Variants in SENP7 observed in about 807,000 individuals in gnomAD.
SENP7 encodes the protein SUMO specific peptidase 7, also known as sentrin-specific protease 7.
SENP7 carries 64 observed loss-of-function variants against 141.2 expected under a neutral mutation model. The observed-to-expected ratio is 0.45, with a 90% CI of 0.37 to 0.56. The LOEUF is 0.56. Among genes scored for constraint, SENP7 ranks in the 20% least tolerant of loss-of-function variants. SENP7 has a pLI of 0.00. For synonymous variants in SENP7, 382 were observed against 426.4 expected, an observed-to-expected ratio of 0.90 and a Z score of 1.28; for missense variants, 1,025 against 1,212.2, an observed-to-expected ratio of 0.85 and a Z score of 2.29.
At chr3:101,382,248 C>T (rs1474523205) in intron 6 of SENP7, among the ~76,000 whole-genome samples, 1 of 152,160 alleles carries the variant, frequency 6.6e-6, no homozygotes, top group African/African-American at 2.4e-5. Flanking sequence ...TTGATCATCG[C>T]TCATTGTAAC....
In SENP7 at chr3:101,341,692, G is replaced by A. The variant is rs35151705; in HGVS notation, c.2194C>T (p.Pro732Ser). The A allele has an allele frequency of 5.6e-4, 900 of 1,611,074 alleles. 9 individuals are homozygous for A. The African/African-American group carries it at 9.8e-3, about 18-fold the overall frequency. ...GCYSLSITSN[P>S]DEEWREVRHT... ...CTGACTTCTCGCCATTCTTCATCTG[G>A]ATTAGATGTAATAGAAAGGGAGTAG... Residue 732 changes from proline to serine, a missense_variant, in exon 15 of 24, where the codon CCA (proline) becomes TCA (serine). Around this residue, in one of 4 missense-constraint regions of SENP7, gnomAD observed 295 missense variants for 459.1 expected, o/e 0.64. Transcript: ENST00000394095.
intron 20 of SENP7, among the ~76,000 whole-genome samples, chr3:101,329,659 C>T (rs973625871): frequency 6.6e-6 from 1 of 151,384 alleles, no homozygotes; most frequent in East Asian, 1.9e-4. Context: ...ATTTTCTGGC[C>T]GGGCTCGGTG....
chr3:101,372,188 C>A (rs1040697053), intron 6 of SENP7, 62 bp from the exon 7 acceptor site: 39 of 791,788 alleles, frequency 4.9e-5, no homozygotes, highest in Non-Finnish European at 6.9e-5. Context: ...TAGAAGCCAA[C>A]TAGCATGTAT....
At chr3:101,418,578 C>G (rs1315399707) in intron 4 of SENP7, among the ~76,000 whole-genome samples, 3 of 152,056 alleles carry the variant, frequency 2.0e-5, no homozygotes, top group African/African-American at 7.2e-5. Context: ...TATTTTACTA[C>G]CTATGAAACA....
At chr3:101,465,826 G>GA (rs892299097) in intron 3 of SENP7, among the ~76,000 whole-genome samples, 6 of 151,472 alleles carry the variant, frequency 4.0e-5, no homozygotes, top group East Asian at 1.9e-4. Context: ...TGGAATGCTG[G>GA]AAAAAAAATC....
intron 5 of SENP7, among the ~76,000 whole-genome samples, chr3:101,399,856 G>A (rs1001989142): frequency 3.3e-5 from 5 of 152,062 alleles, no homozygotes; most frequent in Non-Finnish European, 5.9e-5. Flanking sequence ...AAACTCCTGG[G>A]CTCAAGCAAT....
In SENP7 at chr3:101,341,783, A is replaced by G; in HGVS notation, c.2107-4T>C. On this transcript the variant is annotated splice_polypyrimidine_tract_variant and splice_region_variant and intron_variant, in intron 14 of 23. Transcript: ENST00000394095. ...TGGCCGCATCTGTGTTTGAGGGCTG[A>G]CAGAAAGTGGCAAGAAAAAGGGTCT... is the stretch of plus-strand genomic sequence containing the variant. 6.3e-7 allele frequency: 1 copy of G among 1,583,362 alleles called. No homozygotes were observed. The highest frequency in any genetic ancestry group is 1.1e-5 in the South Asian group (1 of 88,182).
chr3:101,498,303 T>G (rs1414566828), intron 2 of SENP7, among the ~76,000 whole-genome samples: 1 of 152,052 alleles, frequency 6.6e-6, no homozygotes, highest in Admixed American at 6.6e-5. Context: ...AAAAGTAACT[T>G]TACAATGGAG....
chr3:101,413,659 TTA>T, intron 5 of SENP7, among the ~76,000 whole-genome samples: 1 of 151,806 alleles, frequency 6.6e-6, no homozygotes, highest in East Asian at 1.9e-4. Context: ...AACAAGCTGT[TTA>T]GCAAGAAAAA....
rs530557373 is a variant in SENP7, at chr3:101,370,899, C to G, written c.796+1109G>C. Among the ~76,000 whole-genome samples, 11 of 152,242 alleles carry G rather than the reference C, an allele frequency of 7.2e-5. No individual in the cohort carries two copies. The South Asian group carries it at 2.3e-3, about 32-fold the overall frequency. On this transcript the variant is annotated intron_variant, in intron 7 of 23. Transcript: ENST00000394095. ...TATTAAAAAGGCTACTAAAAAGAATCTTTAAATAGCTGTGCTCCAAATGAA... is the reference window on the plus strand; with the variant it reads ...TATTAAAAAGGCTACTAAAAAGAATGTTTAAATAGCTGTGCTCCAAATGAA...
intron 6 of SENP7, among the ~76,000 whole-genome samples, chr3:101,375,214 T>C (rs1278003753): frequency 6.6e-6 from 1 of 152,144 alleles, no homozygotes; most frequent in Non-Finnish European, 1.5e-5. Flanking sequence ...GTTTGGTGGT[T>C]CCTCAAAAAG....
chr3:101,437,997 G>A (rs1313345507), intron 4 of SENP7, among the ~76,000 whole-genome samples: 3 of 150,922 alleles, frequency 2.0e-5, no homozygotes, highest in African/African-American at 7.3e-5. Context: ...CTCACTGCTA[G>A]CAGGAACATA....
intron 4 of SENP7, among the ~76,000 whole-genome samples, chr3:101,438,757 A>G (rs2062488744): frequency 6.6e-6 from 1 of 152,236 alleles, no homozygotes. Context: ...TAAGGGCGTG[A>G]CCAGATGGCT....
At chr3:101,391,315 A>T (rs1194075662) in intron 6 of SENP7, among the ~76,000 whole-genome samples, 1 of 146,512 alleles carries the variant, frequency 6.8e-6, no homozygotes, top group Non-Finnish European at 1.5e-5. Context: ...TTTTAAAGAC[A>T]AACAAAAATC....
At chr3:101,506,579 A>G (rs1359034665) in intron 1 of SENP7, among the ~76,000 whole-genome samples, 1 of 152,244 alleles carries the variant, frequency 6.6e-6, no homozygotes, top group Non-Finnish European at 1.5e-5. Context: ...AAAATTAATG[A>G]CAGTCCCTGT....
intron 6 of SENP7, among the ~76,000 whole-genome samples, chr3:101,391,258 G>C (rs989495848): frequency 4.0e-5 from 6 of 151,154 alleles, no homozygotes; most frequent in African/African-American, 1.5e-4. Flanking sequence ...AGAACTAAAT[G>C]AAATATAGTA....
At chr3:101,450,827 T>G (rs545974458) in intron 4 of SENP7, among the ~76,000 whole-genome samples, 2 of 152,032 alleles carry the variant, frequency 1.3e-5, no homozygotes, top group African/African-American at 4.8e-5. Context: ...AGCAAACATA[T>G]TCAAAAGCTA....
At chr3:101,383,252 C>A (rs2060556756) in intron 6 of SENP7, among the ~76,000 whole-genome samples, 1 of 152,170 alleles carries the variant, frequency 6.6e-6, no homozygotes. Flanking sequence ...CTCCTGCTTT[C>A]ACCATGTGAT....
chr3:101,471,705 G>A lies in SENP7; in HGVS notation c.187-12653C>T, dbSNP rs552970420. Among the ~76,000 whole-genome samples the A allele has an allele frequency of 3.3e-5, 5 of 152,280 alleles. No individual in the cohort carries two copies. The South Asian group carries it at 6.2e-4, about 19-fold the overall frequency. On this transcript the variant is annotated intron_variant, in intron 3 of 23. Transcript: ENST00000394095. ...CATGGCAAAAGAAACTACCATCAGC[G>A]TGAACAGGCAACCTACAGAATGGGA...
Sources: allele counts gnomAD v4.1 joint callset (sites outside exome capture counted in the v4.1 genomes callset), GRCh38; gene constraint gnomAD v4.1.1; regional missense constraint gnomAD v4.1.1; transcripts MANE v1.5; gene names NCBI Gene and HGNC (gene_info 2026-07-23, HGNC 2026-07-21).